Variants in TBC1D14 observed in about 807,000 individuals in gnomAD.
The protein encoded by TBC1D14 is TBC1 domain family, member 14.
A neutral mutation model predicts 79.0 loss-of-function variants in TBC1D14; 26 were observed. The ratio of observed to expected loss-of-function variants is 0.33; its 90% CI spans 0.24 to 0.46. TBC1D14 has a LOEUF of 0.46. Among genes scored for constraint, TBC1D14 ranks in the 20% least tolerant of loss-of-function variants. The probability of loss-of-function intolerance (pLI) is 1.00; values close to 1 mark genes in which losing one functional copy is unlikely to be tolerated. For synonymous variants in TBC1D14, 394 were observed against 349.9 expected, an observed-to-expected ratio of 1.13 and a Z score of -1.40; for missense variants, 769 against 887.6, an observed-to-expected ratio of 0.87 and a Z score of 1.70.
At chr4:6,991,431 G>A (rs1390907367) in intron 3 of TBC1D14, among the ~76,000 whole-genome samples, 1 of 152,208 alleles carries the variant, frequency 6.6e-6, no homozygotes, top group Non-Finnish European at 1.5e-5. Flanking sequence ...CCCCGTGTGT[G>A]TTTGGTGCAC....
At chr4:6,935,934 G>A (rs904283589) in intron 2 of TBC1D14, among the ~76,000 whole-genome samples, 7 of 152,124 alleles carry the variant, frequency 4.6e-5, no homozygotes, top group Non-Finnish European at 7.4e-5. Flanking sequence ...ATGAGCCACC[G>A]TGCCCGGCCT....
At chr4:6,935,700 G>A (rs1209240905) in intron 2 of TBC1D14, among the ~76,000 whole-genome samples, 2 of 151,696 alleles carry the variant, frequency 1.3e-5, no homozygotes, top group African/African-American at 4.8e-5. Flanking sequence ...CTGGAGTGCA[G>A]TGGTGTGATC....
intron 3 of TBC1D14, 29 bp downstream of exon 3, chr4:6,967,453 G>A (rs371861174): frequency 6.2e-7 from 1 of 1,607,110 alleles, no homozygotes. Context: ...CACAGAAATA[G>A]GCTGTTGGAT....
At chr4:7,016,555 A>T (rs1471366330) in intron 12 of TBC1D14, among the ~76,000 whole-genome samples, 1 of 152,216 alleles carries the variant, frequency 6.6e-6, no homozygotes, top group Non-Finnish European at 1.5e-5. Flanking sequence ...TTCTAGGCCA[A>T]AAGTCAATAG....
chr4:6,973,846 CAG>C (rs1343267827), intron 3 of TBC1D14, among the ~76,000 whole-genome samples: 1 of 151,984 alleles, frequency 6.6e-6, no homozygotes, highest in African/African-American at 2.4e-5. Context: ...TATTTTGAGA[CAG>C]AGTCTCACTC....
intron 5 of TBC1D14, among the ~76,000 whole-genome samples, chr4:6,998,067 G>A (rs1398873516): frequency 6.6e-6 from 1 of 152,134 alleles, no homozygotes; most frequent in East Asian, 1.9e-4. Flanking sequence ...GCTGCTATTT[G>A]TAGATTAAGA....
intron 9 of TBC1D14, among the ~76,000 whole-genome samples, chr4:7,009,171 G>C (rs1720505230): frequency 6.6e-6 from 1 of 152,220 alleles, no homozygotes; most frequent in Non-Finnish European, 1.5e-5. Context: ...GTACCTGGTA[G>C]ACATAGACAG....
chr4:7,025,229 C>T lies in TBC1D14; in HGVS notation c.1983C>T (p.Ile661=). The change falls in exon 13 of 14, where the codon ATC becomes ATT. Residue 661 remains isoleucine, a synonymous_variant. Coordinates refer to ENST00000409757, the MANE Select transcript of TBC1D14 (RefSeq NM_020773.3). ...AGCTGTTTGCCTCCATCGCCACGAT[C>T]CAGATGCAGAGCCGAAACAAGAAGT... ...AEELFASIAT[I]QMQSRNKKWA... The T allele has an allele frequency of 6.2e-7, 1 of 1,614,244 alleles. No individual in the cohort carries two copies. Among genetic ancestry groups the T allele is most frequent in the Non-Finnish European group, 8.5e-7 (1 of 1,180,040 alleles).
intron 8 of TBC1D14, among the ~76,000 whole-genome samples, chr4:7,005,496 C>A (rs1472815264): frequency 6.6e-6 from 1 of 152,140 alleles, no homozygotes; most frequent in African/African-American, 2.4e-5. Context: ...GACCGTGCCA[C>A]TGCATTCCAG....
intron 6 of TBC1D14, 108 bp downstream of exon 6, chr4:6,999,310 G>A: frequency 1.0e-6 from 1 of 979,616 alleles, no homozygotes; most frequent in Non-Finnish European, 1.6e-6. Flanking sequence ...GATGCAGCGA[G>A]TTGAAGTTGC....
chr4:6,964,896 C>T (rs984703029), intron 2 of TBC1D14, among the ~76,000 whole-genome samples: 3 of 152,296 alleles, frequency 2.0e-5, no homozygotes, highest in Admixed American at 1.3e-4. Context: ...ACCAGATTTA[C>T]CAACTGTGTG....
intron 3 of TBC1D14, chr4:6,987,242 C>G (rs972661927): frequency 9.9e-5 from 125 of 1,261,968 alleles, no homozygotes; most frequent in Non-Finnish European, 1.1e-4. Flanking sequence ...GAGGAGCCGC[C>G]GCGTCCGCCC....
At chr4:6,961,915 C>T (rs535983387) in intron 2 of TBC1D14, among the ~76,000 whole-genome samples, 7 of 152,272 alleles carry the variant, frequency 4.6e-5, no homozygotes, top group South Asian at 2.1e-4. Flanking sequence ...AGAGCACATA[C>T]GACTCCTGTT....
At position 6,999,210 on chromosome 4, in the gene TBC1D14, G is replaced by C. The variant is rs1177250590; in HGVS notation, c.1163+8G>C. 1.9e-6 allele frequency: 3 copies of C among 1,606,692 alleles called. No homozygotes were observed. The African/African-American group carries it at 4.0e-5, about 21-fold the overall frequency. Reference sequence around the variant, plus strand: ...ACCTAACTGGGAAACAATGTAAGATGTGGCTCTGGGTGTGGCTGAACTGCA... The same window carrying C: ...ACCTAACTGGGAAACAATGTAAGATCTGGCTCTGGGTGTGGCTGAACTGCA... On this transcript the variant is annotated splice_region_variant and intron_variant, in intron 6 of 13. Transcript: ENST00000409757.
chr4:6,994,619 C>T (rs1221951775), intron 4 of TBC1D14, among the ~76,000 whole-genome samples: 1 of 151,974 alleles, frequency 6.6e-6, no homozygotes, highest in Non-Finnish European at 1.5e-5. Context: ...GAGGCCGAGG[C>T]GGTGGATCAC....
Position 7,004,986 on chromosome 4 carries a change from C to T in TBC1D14, c.1351+62C>T, listed in dbSNP as rs1720032435. The T allele has an allele frequency of 4.1e-6, 6 of 1,466,844 alleles. No individual in the cohort carries two copies. In the African/African-American group the frequency reaches 5.5e-5, roughly 14 times the overall value. 90.9% of individuals were successfully genotyped at this position (1,466,844 alleles called of 1,614,324 possible). ...CAATTATGTTTGTCATTCTTTATTA[C>T]ATAGTGAAGAAAGTTGACGTTAACT... is the stretch of plus-strand genomic sequence containing the variant. On this transcript the variant is annotated intron_variant, in intron 8 of 13. Transcript: ENST00000409757.
At chr4:7,010,831 A>C in intron 11 of TBC1D14, 50 bp downstream of exon 11, 2 of 1,577,392 alleles carry the variant, frequency 1.3e-6, no homozygotes, top group Non-Finnish European at 1.7e-6. Flanking sequence ...TTAAATGTCA[A>C]GAGTTGCTTA....
intron 3 of TBC1D14, among the ~76,000 whole-genome samples, chr4:6,990,309 C>T (rs1253332239): frequency 6.6e-6 from 1 of 152,104 alleles, no homozygotes; most frequent in African/African-American, 2.4e-5. Flanking sequence ...ATTAGCTGGG[C>T]CTGGTGGCAC....
In TBC1D14 at chr4:6,954,434, G is replaced by A. The variant is rs577656698; in HGVS notation, c.723-12870G>A. ...CGTGTAGCTTTGACAGCATGTGACC[G>A]TCGGCCTTGGTTGGGCTGAGGTGTT... On this transcript the variant is annotated intron_variant, in intron 2 of 13. Transcript: ENST00000409757. 385 of 715,014 alleles carry A rather than the reference G, an allele frequency of 5.4e-4. 1 individual carries two copies. In the African/African-American group the frequency reaches 5.7e-3, roughly 11 times the overall value. The allele number at this position is 715,014 out of a possible 1,614,324, so 44.3% of individuals were successfully genotyped here.
Sources: gnomAD v4.1 joint callset for allele counts (sites outside exome capture counted in the v4.1 genomes callset) on GRCh38, gnomAD v4.1.1 for gene constraint, MANE v1.5 for transcripts, NCBI Gene and HGNC (gene_info 2026-07-23, HGNC 2026-07-21) for gene names.